LDB2: variants seen among roughly 807,000 people sequenced by gnomAD.
The protein encoded by LDB2 is LIM domain binding 2, also known as LIM domain-binding protein 2.
In LDB2, 12 loss-of-function variants were observed where a neutral mutation model predicts 44.3. The ratio of observed to expected loss-of-function variants is 0.27; its 90% CI spans 0.17 to 0.44. The LOEUF is 0.44. LDB2 is among the 20% of genes least tolerant of loss of function. The probability of loss-of-function intolerance (pLI) is 1.00; values close to 1 mark genes in which losing one functional copy is unlikely to be tolerated. For missense variants in LDB2, 344 were observed against 473.5 expected (o/e 0.73, Z 2.54); for synonymous variants, 164 against 174.8 (o/e 0.94, Z 0.49).
intron 2 of LDB2, among the ~76,000 whole-genome samples, chr4:16,597,661 G>A (rs2152443252): frequency 6.6e-6 from 1 of 152,264 alleles, no homozygotes; most frequent in East Asian, 1.9e-4. Context: ...CCAAAGAATT[G>A]TCACATTAAA....
chr4:16,550,704 A>C (rs1737365079), intron 5 of LDB2, among the ~76,000 whole-genome samples: 1 of 152,238 alleles, frequency 6.6e-6, no homozygotes, highest in Admixed American at 6.5e-5. Flanking sequence ...CTTTTGGAAA[A>C]CAAAGCTTCA....
rs191705270 is a variant in LDB2, at chr4:16,733,334, C to T, written c.235+25824G>A. Among the ~76,000 whole-genome samples, 234 of 150,274 alleles carry T rather than the reference C, an allele frequency of 1.6e-3. 2 individuals are homozygous for T. The highest frequency in any genetic ancestry group is 5.6e-3 in the African/African-American group (230 of 41,204). On this transcript the variant is annotated intron_variant, in intron 2 of 7. Coordinates refer to ENST00000304523, the MANE Select transcript of LDB2 (RefSeq NM_001290.5). Reference sequence around the variant, plus strand: ...TAATTGGAATAAATTTGAACAGATACCCAATGATTAAGAATTTGGAAAAAA... The same window carrying T: ...TAATTGGAATAAATTTGAACAGATATCCAATGATTAAGAATTTGGAAAAAA...
At chr4:16,522,895 A>T (rs959594376) in intron 5 of LDB2, among the ~76,000 whole-genome samples, 3 of 152,224 alleles carry the variant, frequency 2.0e-5, no homozygotes, top group Non-Finnish European at 2.9e-5. Flanking sequence ...ATTAACAAAC[A>T]TCTGCGGAGT....
intron 2 of LDB2, among the ~76,000 whole-genome samples, chr4:16,691,133 A>G (rs1750687171): frequency 6.6e-6 from 1 of 152,074 alleles, no homozygotes; most frequent in Non-Finnish European, 1.5e-5. Flanking sequence ...TAGATAGGTC[A>G]CCAACGTCAA....
intron 1 of LDB2, among the ~76,000 whole-genome samples, chr4:16,810,573 AGAGAGG>A: frequency 6.4e-5 from 2 of 31,282 alleles, no homozygotes; most frequent in Non-Finnish European, 1.9e-4. Context: ...AAAGGTTTTC[AGAGAGG>A]TTCATGGAAG....
At chr4:16,885,721 C>A (rs116801611) in intron 1 of LDB2, among the ~76,000 whole-genome samples, 1 of 152,098 alleles carries the variant, frequency 6.6e-6, no homozygotes, top group Non-Finnish European at 1.5e-5. Context: ...ATTACGTGCT[C>A]GCTGCCTTTT....
At chr4:16,781,645 T>C (rs1312258501) in intron 1 of LDB2, among the ~76,000 whole-genome samples, 2 of 152,156 alleles carry the variant, frequency 1.3e-5, no homozygotes, top group East Asian at 3.9e-4. Context: ...CAAAGTTAAG[T>C]ATCTTTTTCA....
chr4:16,867,107 T>C (rs1029867570), intron 1 of LDB2, among the ~76,000 whole-genome samples: 1 of 152,130 alleles, frequency 6.6e-6, no homozygotes, highest in African/African-American at 2.4e-5. Context: ...GCCTCCATGC[T>C]GTGGGGAAGT....
chr4:16,829,810 C>T (rs1292850198), intron 1 of LDB2, among the ~76,000 whole-genome samples: 2 of 152,108 alleles, frequency 1.3e-5, no homozygotes, highest in African/African-American at 2.4e-5. Flanking sequence ...TCCTCTCACT[C>T]GAAAAACACA....
intron 2 of LDB2, among the ~76,000 whole-genome samples, chr4:16,613,227 C>A (rs565417778): frequency 6.6e-6 from 1 of 152,282 alleles, no homozygotes; most frequent in Non-Finnish European, 1.5e-5. Flanking sequence ...ATAATAAGAG[C>A]TATTTATAAC....
intron 1 of LDB2, among the ~76,000 whole-genome samples, chr4:16,859,343 C>T (rs974295251): frequency 3.3e-5 from 5 of 152,328 alleles, no homozygotes; most frequent in East Asian, 3.9e-4. Context: ...ACCATCAAGG[C>T]TGGTGGTATG....
At chr4:16,569,672 A>T (rs887700154) in intron 5 of LDB2, among the ~76,000 whole-genome samples, 1 of 152,000 alleles carries the variant, frequency 6.6e-6, no homozygotes, top group Non-Finnish European at 1.5e-5. Context: ...CCATCCATCC[A>T]TCCATCCGTC....
chr4:16,674,484 T>C (rs1055023048), intron 2 of LDB2, among the ~76,000 whole-genome samples: 1 of 152,176 alleles, frequency 6.6e-6, no homozygotes, highest in African/African-American at 2.4e-5. Flanking sequence ...ATAGGGTGGA[T>C]GCCTCCATGC....
At chr4:16,866,641 T>C (rs1465461533) in intron 1 of LDB2, among the ~76,000 whole-genome samples, 1 of 152,122 alleles carries the variant, frequency 6.6e-6, no homozygotes, top group Non-Finnish European at 1.5e-5. Context: ...TTATGTTCCA[T>C]ATTCAGTCAA....
intron 1 of LDB2, among the ~76,000 whole-genome samples, chr4:16,836,154 T>C (rs949161375): frequency 6.6e-6 from 1 of 152,250 alleles, no homozygotes; most frequent in Non-Finnish European, 1.5e-5. Context: ...TGACTGTATG[T>C]ATAAGTGTAT....
intron 2 of LDB2, among the ~76,000 whole-genome samples, chr4:16,740,042 T>C (rs1480811734): frequency 6.6e-6 from 1 of 151,818 alleles, no homozygotes; most frequent in Non-Finnish European, 1.5e-5. Context: ...TTTTTGAACA[T>C]AAAATAAAGG....
At chr4:16,761,266 T>C (rs1213808649) in intron 1 of LDB2, among the ~76,000 whole-genome samples, 1 of 152,212 alleles carries the variant, frequency 6.6e-6, no homozygotes, top group African/African-American at 2.4e-5. Flanking sequence ...CTCAGACCAC[T>C]GGACACCCCC....
intron 5 of LDB2, among the ~76,000 whole-genome samples, chr4:16,518,726 C>G (rs1272865763): frequency 6.6e-6 from 1 of 152,188 alleles, no homozygotes; most frequent in East Asian, 1.9e-4. Context: ...AAGGTGGCTG[C>G]AAATGACTTG....
intron 2 of LDB2, among the ~76,000 whole-genome samples, chr4:16,632,130 C>CA (rs1015396860): frequency 6.6e-6 from 1 of 151,882 alleles, no homozygotes; most frequent in Non-Finnish European, 1.5e-5. Flanking sequence ...AGAGACACAA[C>CA]AAAAAAACAT....
Sources: allele counts gnomAD v4.1 joint callset (sites outside exome capture counted in the v4.1 genomes callset), GRCh38; gene constraint gnomAD v4.1.1; transcripts MANE v1.5; gene names NCBI Gene and HGNC (gene_info 2026-07-23, HGNC 2026-07-21).